Variants in PCDHA7 observed in about 807,000 individuals in gnomAD.
The protein encoded by PCDHA7 is protocadherin alpha-7.
Under a neutral mutation model 57.2 loss-of-function variants are expected in PCDHA7, and 37 were observed. The observed-to-expected ratio is 0.65, with a 90% CI of 0.50 to 0.85. PCDHA7 has a LOEUF of 0.85. Among genes scored for constraint, PCDHA7 ranks in the 40% least tolerant of loss-of-function variants. The pLI is 0.00. For synonymous variants in PCDHA7, 553 were observed against 558.8 expected (o/e 0.99, Z 0.15); for missense variants, 1,188 against 1,241.8 (o/e 0.96, Z 0.65).
chr5:140,937,259 G>T (rs1306999153), intron 1 of PCDHA7, among the ~76,000 whole-genome samples: 1 of 151,852 alleles, frequency 6.6e-6, no homozygotes, highest in African/African-American at 2.4e-5. Context: ...GGATGGTCTC[G>T]ATCTCCTGAC....
chr5:140,928,792 G>A (rs1190569981), intron 1 of PCDHA7: 2 of 1,614,048 alleles, frequency 1.2e-6, no homozygotes, highest in Non-Finnish European at 1.7e-6. Context: ...TAAGCAGAGG[G>A]TGGTGGTAGT....
At chr5:140,960,737 G>T (rs2095566221) in intron 1 of PCDHA7, among the ~76,000 whole-genome samples, 1 of 145,230 alleles carries the variant, frequency 6.9e-6, no homozygotes, top group South Asian at 2.2e-4. Context: ...CATGATTTTA[G>T]TCCATGGCTA....
intron 1 of PCDHA7, among the ~76,000 whole-genome samples, chr5:140,977,969 C>T (rs1554238945): frequency 6.6e-6 from 1 of 152,114 alleles, no homozygotes; most frequent in African/African-American, 2.4e-5. Context: ...AATCTCCGCC[C>T]ATGAAAACGC....
At chr5:140,967,246 G>A in intron 1 of PCDHA7, 1 of 1,613,594 alleles carries the variant, frequency 6.2e-7, no homozygotes, top group Non-Finnish European at 8.5e-7. Context: ...TAAGCGAATC[G>A]GTGGCGCCTG....
rs2150379326 is a variant in PCDHA7, at chr5:140,845,496, G to C, written c.2355+8758G>C. ...GGGGTTGTGCTTTCACAGTGAGAAA[G>C]TCTAAACCTATTTCTTGTACATTAA... On this transcript the variant is annotated intron_variant, in intron 1 of 3. Transcript: ENST00000525929. Among the ~76,000 whole-genome samples, 24 of 149,650 alleles carry C rather than the reference G, an allele frequency of 1.6e-4. 3 individuals are homozygous for C. Among genetic ancestry groups the C allele is most frequent in the Non-Finnish European group, 3.4e-4 (23 of 66,862 alleles).
intron 1 of PCDHA7, chr5:140,851,883 G>A (rs2042187282): frequency 3.1e-6 from 3 of 976,924 alleles, no homozygotes; most frequent in African/African-American, 1.8e-5. Flanking sequence ...CAGAAATCTG[G>A]ATATGAGATT....
intron 1 of PCDHA7, chr5:140,966,244 G>C (rs1302762597): frequency 3.2e-6 from 1 of 315,708 alleles, no homozygotes; most frequent in Non-Finnish European, 5.7e-6. Context: ...CGTTAAGCAG[G>C]GGAGAGACGG....
chr5:140,938,034 A>G (rs541380016), intron 1 of PCDHA7, among the ~76,000 whole-genome samples: 2 of 152,160 alleles, frequency 1.3e-5, no homozygotes, highest in South Asian at 4.2e-4. Flanking sequence ...TCATATTTTT[A>G]TATTTTGGGT....
chr5:140,921,634 T>C (rs1324251436), intron 1 of PCDHA7, among the ~76,000 whole-genome samples: 1 of 152,220 alleles, frequency 6.6e-6, no homozygotes, highest in Non-Finnish European at 1.5e-5. Context: ...ATCATTATGG[T>C]AGCTATTTTA....
chr5:140,997,071 A>G lies in PCDHA7; in HGVS notation c.2504-12556A>G, dbSNP rs554920320. Among the ~76,000 whole-genome samples, 444 of 152,266 alleles carry G rather than the reference A, an allele frequency of 2.9e-3. 5 individuals carry two copies. Among genetic ancestry groups the G allele is most frequent in the Non-Finnish European group, 4.4e-3 (297 of 68,014 alleles). Reference sequence around the variant, plus strand: ...TTTAGAGCAGTTTTAGGTTCACAGGAAAGTTGAGTAGAAAGTGCAGAGTTC... The same window carrying G: ...TTTAGAGCAGTTTTAGGTTCACAGGGAAGTTGAGTAGAAAGTGCAGAGTTC... On this transcript the variant is annotated intron_variant, in intron 3 of 3. Coordinates refer to ENST00000525929, the MANE Select transcript of PCDHA7 (RefSeq NM_018910.3).
intron 1 of PCDHA7, among the ~76,000 whole-genome samples, chr5:140,913,572 TCAAA>T (rs150264547): frequency 6.6e-6 from 1 of 152,264 alleles, no homozygotes; most frequent in East Asian, 1.9e-4. Context: ...TTTCATCATT[TCAAA>T]TATATTTCTG....
chr5:140,843,894 A>G, intron 1 of PCDHA7: 1 of 670,078 alleles, frequency 1.5e-6, no homozygotes, highest in Non-Finnish European at 2.5e-6. Context: ...AGTATTAATC[A>G]TTCTCCACAA....
chr5:140,868,942 C>T (rs1238492263), intron 1 of PCDHA7: 6 of 1,256,058 alleles, frequency 4.8e-6, no homozygotes, highest in African/African-American at 1.5e-5. Context: ...TTGGTCTGAA[C>T]AGTGAGGCAC....
chr5:140,971,642 A>G (rs1586490477), intron 1 of PCDHA7, among the ~76,000 whole-genome samples: 1 of 152,330 alleles, frequency 6.6e-6, no homozygotes, highest in East Asian at 1.9e-4. Flanking sequence ...ATGTGCCTAC[A>G]TTAAAAGTAG....
chr5:140,922,358 A>T (rs1273986507), intron 1 of PCDHA7, among the ~76,000 whole-genome samples: 2 of 152,212 alleles, frequency 1.3e-5, no homozygotes, highest in African/African-American at 4.8e-5. Flanking sequence ...TAGAGTAGTG[A>T]TTCTCACTGA....
rs781841380 is a variant in PCDHA7 at position 140,857,728 on chromosome 5, C to A, written c.2355+20990C>A. 89 of 1,597,306 alleles carry A rather than the reference C, an allele frequency of 5.6e-5. 11 individuals are homozygous for A. Among genetic ancestry groups the A allele is most frequent in the Non-Finnish European group, 7.3e-5 (85 of 1,167,718 alleles). On this transcript the variant is annotated intron_variant, in intron 1 of 3. Transcript: ENST00000525929. ...TGTTCGTGCTGGACGAGAACGACAA[C>A]GCTCCCGCGCTGCTGGCGTCTCCCG...
At chr5:140,905,376 C>G in intron 1 of PCDHA7, among the ~76,000 whole-genome samples, 1 of 152,174 alleles carries the variant, frequency 6.6e-6, no homozygotes, top group East Asian at 1.9e-4. Context: ...GTTCTCTGTT[C>G]TGTTTCATAG....
chr5:140,870,704 T>C (rs782770549), intron 1 of PCDHA7: 1 of 1,612,984 alleles, frequency 6.2e-7, no homozygotes, highest in Non-Finnish European at 8.5e-7. Flanking sequence ...CAGTTCCAGG[T>C]GAGCGCGCGC....
chr5:140,973,590 A>G (rs562109843), intron 1 of PCDHA7, among the ~76,000 whole-genome samples: 3 of 152,340 alleles, frequency 2.0e-5, no homozygotes, highest in Non-Finnish European at 4.4e-5. Context: ...GCTGAGCCAG[A>G]TGGAATTATG....
Sources: gnomAD v4.1 joint callset for allele counts (sites outside exome capture counted in the v4.1 genomes callset) on GRCh38, gnomAD v4.1.1 for gene constraint, MANE v1.5 for transcripts, NCBI Gene and HGNC (gene_info 2026-07-23, HGNC 2026-07-21) for gene names.